The following YAP1 variants were observed in gnomAD, a reference collection of about 807,000 sequenced individuals.
YAP1 encodes Yes1 associated transcriptional regulator.
In YAP1, 5 loss-of-function variants were observed where a neutral mutation model predicts 56.9. The observed-to-expected ratio is 0.09, with a 90% CI of 0.05 to 0.18. The LOEUF (loss-of-function observed/expected upper bound fraction) is 0.18, where lower values mean the gene tolerates loss of function less well. YAP1 is among the 10% of genes least tolerant of loss of function. The pLI is 1.00. For synonymous variants in YAP1, 265 were observed against 248.1 expected, an observed-to-expected ratio of 1.07 and a Z score of -0.64; for missense variants, 539 against 651.8, an observed-to-expected ratio of 0.83 and a Z score of 1.88.
chr11:102,145,784 T>TC (rs1444090482), intron 2 of YAP1, among the ~76,000 whole-genome samples: 3 of 152,192 alleles, frequency 2.0e-5, no homozygotes, highest in African/African-American at 7.2e-5. Flanking sequence ...AATTCACTAT[T>TC]CCCATTCTCA....
At chr11:102,195,587 T>A (rs2135550085) in intron 4 of YAP1, among the ~76,000 whole-genome samples, 1 of 152,298 alleles carries the variant, frequency 6.6e-6, no homozygotes, top group East Asian at 1.9e-4. Flanking sequence ...TCTCCCATCC[T>A]GTTCTCAGAT....
intron 3 of YAP1, among the ~76,000 whole-genome samples, chr11:102,183,739 T>TGTGTGTGTGTGTGTGTG (rs1565241068): frequency 5.3e-5 from 8 of 150,642 alleles, no homozygotes; most frequent in African/African-American, 7.3e-5. Context: ...TGTGTGTGTG[T>TGTGTGTGTGTGTGTGTG]TTAAACCACA....
chr11:102,144,018 G>A (rs1057051655), intron 2 of YAP1, among the ~76,000 whole-genome samples: 1 of 152,206 alleles, frequency 6.6e-6, no homozygotes, highest in Non-Finnish European at 1.5e-5. Context: ...GAGGCTGACA[G>A]ATATTTGTAG....
intron 2 of YAP1, among the ~76,000 whole-genome samples, chr11:102,119,453 TTAGTTCTAGAAAGAA>T (rs1434842986): frequency 1.3e-5 from 2 of 152,082 alleles, no homozygotes; most frequent in African/African-American, 4.8e-5. Context: ...ATTATGATTC[TTAGTTCTAGAAAGAA>T]TTCTAGAACT....
At chr11:102,228,858 T>C (rs1229415451) in intron 8 of YAP1, among the ~76,000 whole-genome samples, 1 of 152,112 alleles carries the variant, frequency 6.6e-6, no homozygotes, top group Admixed American at 6.6e-5. Flanking sequence ...TGAAAGTGTT[T>C]AGCAAGGCTT....
chr11:102,209,609 AG>A, intron 6 of YAP1, 45 bp downstream of exon 6: 2 of 1,322,182 alleles, frequency 1.5e-6, no homozygotes, highest in South Asian at 1.4e-5. Context: ...AAAAAAAAAA[AG>A]ATATTAAATT....
intron 8 of YAP1, 39 bp downstream of exon 8, chr11:102,227,620 A>G (rs1299804588): frequency 7.1e-7 from 1 of 1,403,012 alleles, no homozygotes; most frequent in Non-Finnish European, 1.0e-6. Flanking sequence ...CTGACTTAAC[A>G]GTGGGATATG....
At chr11:102,114,477 A>G (rs1440890266) in intron 2 of YAP1, 83 bp downstream of exon 2, 1 of 1,446,882 alleles carries the variant, frequency 6.9e-7, no homozygotes. Context: ...AAGATACAGA[A>G]TATCATTTAT....
intron 3 of YAP1, among the ~76,000 whole-genome samples, chr11:102,182,081 A>C (rs1947659406): frequency 6.6e-6 from 1 of 152,074 alleles, no homozygotes; most frequent in Non-Finnish European, 1.5e-5. Flanking sequence ...AGCCTCCCAA[A>C]GTGCTGGGAT....
At chr11:102,145,415 T>C (rs934447529) in intron 2 of YAP1, among the ~76,000 whole-genome samples, 3 of 152,228 alleles carry the variant, frequency 2.0e-5, no homozygotes, top group Admixed American at 6.5e-5. Context: ...ACCACTGATA[T>C]GTATGACCTG....
intron 4 of YAP1, among the ~76,000 whole-genome samples, chr11:102,197,489 T>C (rs1948630691): frequency 6.8e-6 from 1 of 147,202 alleles, no homozygotes; most frequent in Admixed American, 6.9e-5. Context: ...GAAATTCACA[T>C]GTTTAGAATG....
intron 6 of YAP1, among the ~76,000 whole-genome samples, chr11:102,218,582 A>G (rs1173300998): frequency 1.3e-5 from 2 of 152,240 alleles, no homozygotes; most frequent in Admixed American, 1.3e-4. Flanking sequence ...GATTAATAAT[A>G]CACTCCTGCC....
rs150310086 is a variant in YAP1 at position 102,178,721 on chromosome 11, G to A, written c.689-7297G>A. On this transcript the variant is annotated intron_variant, in intron 3 of 8. Coordinates refer to ENST00000282441, the MANE Select transcript of YAP1 (RefSeq NM_001130145.3). ...CTACTACTCTCTTTTTGCTTATCCT[G>A]AATCAAATTTCTCACCCTCTGTCAA... Among the ~76,000 whole-genome samples the A allele has an allele frequency of 3.5e-3, 528 of 152,176 alleles. 2 individuals are homozygous for A. Among genetic ancestry groups the A allele is most frequent in the Admixed American group, 5.2e-3 (80 of 15,286 alleles).
intron 2 of YAP1, among the ~76,000 whole-genome samples, chr11:102,149,180 G>A (rs1384687374): frequency 6.6e-6 from 1 of 152,178 alleles, no homozygotes; most frequent in Non-Finnish European, 1.5e-5. Context: ...GCAACAAATT[G>A]AAGATATATT....
At chr11:102,214,896 G>A (rs1949583338) in intron 6 of YAP1, among the ~76,000 whole-genome samples, 1 of 152,150 alleles carries the variant, frequency 6.6e-6, no homozygotes, top group Non-Finnish European at 1.5e-5. Context: ...GATAATGCTA[G>A]GGAACACCAA....
At chr11:102,180,161 C>A (rs1805797826) in intron 3 of YAP1, among the ~76,000 whole-genome samples, 1 of 151,786 alleles carries the variant, frequency 6.6e-6, no homozygotes. Context: ...AGGTGTGCGC[C>A]ACCACACCCG....
chr11:102,193,873 C>G (rs1347844039), intron 4 of YAP1, among the ~76,000 whole-genome samples: 1 of 149,408 alleles, frequency 6.7e-6, no homozygotes, highest in Non-Finnish European at 1.5e-5. Flanking sequence ...GAGTCTCGCT[C>G]TGTCGCCCAG....
intron 2 of YAP1, among the ~76,000 whole-genome samples, chr11:102,138,101 G>C (rs527827840): frequency 6.6e-6 from 1 of 152,138 alleles, no homozygotes; most frequent in Non-Finnish European, 1.5e-5. Context: ...TGGCCAGGCT[G>C]GTCTCAAACT....
At chr11:102,166,110 C>T (rs10750636) in intron 3 of YAP1, among the ~76,000 whole-genome samples, 140,230 of 152,244 alleles carry the variant, frequency 0.92, 65,643 homozygotes, top group East Asian at 1. Context: ...CGCAACACAT[C>T]GATTCTAGGA....
Sources: allele counts gnomAD v4.1 joint callset (sites outside exome capture counted in the v4.1 genomes callset), GRCh38; gene constraint gnomAD v4.1.1; transcripts MANE v1.5; gene names NCBI Gene and HGNC (gene_info 2026-07-23, HGNC 2026-07-21).